The following RELCH variants were observed in gnomAD, a reference collection of about 807,000 sequenced individuals.
The protein encoded by RELCH is RAB11 binding and LisH domain, coiled-coil and HEAT repeat containing.
Under a neutral mutation model 150.3 loss-of-function variants are expected in RELCH, and 41 were observed. The ratio of observed to expected loss-of-function variants is 0.27; its 90% CI spans 0.21 to 0.35. The LOEUF is 0.35. Among genes scored for constraint, RELCH ranks in the 10% least tolerant of loss-of-function variants. The pLI is 1.00. For synonymous variants in RELCH, 478 were observed against 531.8 expected (o/e 0.90, Z 1.39); for missense variants, 1,092 against 1,467.8 (o/e 0.74, Z 4.18).
Position 62,209,414 on chromosome 18 carries a change from C to G in RELCH, c.527-1739C>G, listed in dbSNP as rs78142488. 1.1e-4 allele frequency among the ~76,000 whole-genome samples: 17 copies of G among 152,220 alleles called. No homozygotes were observed. In the East Asian group the frequency reaches 3.3e-3, roughly 29 times the overall value. On this transcript the variant is annotated intron_variant, in intron 1 of 28. Coordinates refer to ENST00000644646, the MANE Select transcript of RELCH (RefSeq NM_001346231.2). The stretch of plus-strand genomic sequence containing the variant: ...AAACTTCTTTCCTCCAGTGAAATGT[C>G]TTGGTACTATTGTCAAAAACTACTT...
At chr18:62,266,904 C>G (rs569895889) in intron 19 of RELCH, among the ~76,000 whole-genome samples, 155 bp downstream of exon 19, 1 of 151,970 alleles carries the variant, frequency 6.6e-6, no homozygotes, top group African/African-American at 2.4e-5. Flanking sequence ...ATAACTGTGT[C>G]ACATCTAATA....
At chr18:62,252,560 A>G (rs988835780) in intron 11 of RELCH, 104 bp from the exon 12 acceptor site, 6 of 775,804 alleles carry the variant, frequency 7.7e-6, no homozygotes, top group African/African-American at 1.8e-5. Context: ...TTGTATAAAA[A>G]TCTTGTACTC....
rs1446255800 is a variant in RELCH, at chr18:62,307,996, G to A, written c.*2462G>A. On this transcript the variant is annotated 3_prime_UTR_variant, in exon 29 of 29. Coordinates refer to ENST00000644646, the MANE Select transcript of RELCH (RefSeq NM_001346231.2). ...CATCAAATTGATTTTCAACCTGAAC[G>A]AAATTGTGAGTAATTTAAGTCATGC... is the stretch of plus-strand genomic sequence containing the variant. 6.6e-6 allele frequency: 1 copy of A among 152,130 alleles called. No individual in the cohort carries two copies. The highest frequency in any genetic ancestry group is 2.4e-5 in the African/African-American group (1 of 41,432). The allele number at this position is 152,130 out of a possible 1,614,324, so 9.4% of individuals were successfully genotyped here.
Position 62,309,775 on chromosome 18 carries a change from T to A in RELCH, c.*4241T>A, listed in dbSNP as rs2045961115. On this transcript the variant is annotated 3_prime_UTR_variant, in exon 29 of 29. Coordinates refer to ENST00000644646, the MANE Select transcript of RELCH (RefSeq NM_001346231.2). ...ATTACAGACTAATCCACCATATTTA[T>A]TTCAGTTAGATCATTGCATGAATAG... 2 of 152,214 alleles carry A rather than the reference T, an allele frequency of 1.3e-5. No individual in the cohort carries two copies. The highest frequency in any genetic ancestry group is 1.3e-4 in the Admixed American group (2 of 15,286). The allele number at this position is 152,214 out of a possible 1,614,324, so 9.4% of individuals were successfully genotyped here.
At chr18:62,231,726 T>C (rs962606395) in intron 9 of RELCH, among the ~76,000 whole-genome samples, 2 of 152,028 alleles carry the variant, frequency 1.3e-5, no homozygotes, top group African/African-American at 4.8e-5. Flanking sequence ...TGAGGGGGTA[T>C]TTTATTATTA....
chr18:62,266,808 C>T, intron 19 of RELCH, 59 bp downstream of exon 19: 1 of 980,880 alleles, frequency 1.0e-6, no homozygotes, highest in Non-Finnish European at 1.6e-6. Context: ...AGGAAAAATA[C>T]TATATTCTCC....
At chr18:62,296,781 G>A (rs116166970) in intron 27 of RELCH, among the ~76,000 whole-genome samples, 1 of 152,312 alleles carries the variant, frequency 6.6e-6, no homozygotes, top group African/African-American at 2.4e-5. Context: ...AGATGATCAT[G>A]AGGTTGTTTT....
At chr18:62,213,293 G>GT (rs1475775676) in intron 2 of RELCH, among the ~76,000 whole-genome samples, 1 of 151,702 alleles carries the variant, frequency 6.6e-6, no homozygotes, top group Non-Finnish European at 1.5e-5. Context: ...ATATAATTAT[G>GT]TTTTTTCCTT....
At chr18:62,303,076 G>A (rs2045736723) in intron 28 of RELCH, among the ~76,000 whole-genome samples, 1 of 151,578 alleles carries the variant, frequency 6.6e-6, no homozygotes, top group South Asian at 2.1e-4. Context: ...CTGGTAGAGG[G>A]GTGGGAGAGT....
In RELCH at chr18:62,217,021, A is replaced by G. The variant is rs546251165; in HGVS notation, c.617-4016A>G. On this transcript the variant is annotated intron_variant, in intron 2 of 28. Coordinates refer to ENST00000644646, the MANE Select transcript of RELCH (RefSeq NM_001346231.2). ...AAAGAAGATAAATAGCATTTTGAAA[A>G]TAGATTTCTTGTTATTCGTCACCAT... 2.6e-5 allele frequency among the ~76,000 whole-genome samples: 4 copies of G among 152,208 alleles called. No homozygotes were observed. The South Asian group carries it at 8.3e-4, about 32-fold the overall frequency.
At chr18:62,233,804 G>T (rs1387650634) in intron 10 of RELCH, among the ~76,000 whole-genome samples, 1 of 151,528 alleles carries the variant, frequency 6.6e-6, no homozygotes, top group Admixed American at 6.6e-5. Flanking sequence ...TTCAGTTTTA[G>T]CTTTTTTATT....
chr18:62,286,599 G>A (rs1349559659), intron 25 of RELCH, among the ~76,000 whole-genome samples: 1 of 151,944 alleles, frequency 6.6e-6, no homozygotes, highest in Admixed American at 6.6e-5. Context: ...GACTAGAAAG[G>A]GGTTGTGTGA....
At chr18:62,203,885 G>A (rs1463834537) in intron 1 of RELCH, among the ~76,000 whole-genome samples, 1 of 152,012 alleles carries the variant, frequency 6.6e-6, no homozygotes, top group Non-Finnish European at 1.5e-5. Context: ...AGGCTGAGGC[G>A]GGAAGATCAC....
chr18:62,258,028 T>C lies in RELCH; in HGVS notation c.1977T>C (p.Ala659=). 6.2e-7 allele frequency: 1 copy of C among 1,609,166 alleles called. No homozygotes were observed. Among genetic ancestry groups the C allele is most frequent in the South Asian group, 1.1e-5 (1 of 90,396 alleles). The part of the protein sequence containing the change: ...MEDKADLVRE[A]VIKSLGIIMG... ...ATAAGGCAGATTTGGTAAGAGAAGC[T>C]GTTATCAAAAGCCTTGGTATCATTA... The change falls in exon 14 of 29, where the codon GCT becomes GCC. Residue 659 remains alanine (A), a synonymous_variant. Transcript: ENST00000644646.
At chr18:62,220,475 GA>G in intron 2 of RELCH, among the ~76,000 whole-genome samples, 1 of 147,064 alleles carries the variant, frequency 6.8e-6, no homozygotes, top group South Asian at 2.1e-4. Context: ...GTTAAATATT[GA>G]AACCATATTC....
At chr18:62,246,116 T>C (rs1426968979) in intron 11 of RELCH, 1 of 152,328 alleles carries the variant, frequency 6.6e-6, no homozygotes, top group East Asian at 1.9e-4. Context: ...CAGTGATATT[T>C]TTTATGAATC....
chr18:62,287,347 T>G lies in RELCH; in HGVS notation c.3254-4T>G. The G allele has an allele frequency of 6.7e-7, 1 of 1,503,534 alleles. No individual in the cohort carries two copies. The highest frequency in any genetic ancestry group is 9.2e-7 in the Non-Finnish European group (1 of 1,081,436). 93.1% of individuals were successfully genotyped at this position (1,503,534 alleles called of 1,614,324 possible). On this transcript the variant is annotated splice_region_variant and splice_polypyrimidine_tract_variant and intron_variant, in intron 25 of 28. Coordinates refer to ENST00000644646, the MANE Select transcript of RELCH (RefSeq NM_001346231.2). The stretch of plus-strand genomic sequence containing the variant: ...AAATTTAACCCTTTTTTTTCTGTTT[T>G]CAGTTGTTATACCACATTTGCATAA...
rs567190777 is a variant in RELCH at position 62,231,397 on chromosome 18, T to C, written c.1524+128T>C. On this transcript the variant is annotated intron_variant, in intron 9 of 28. Transcript: ENST00000644646. ...TCAAATGCAAATCCATTATGTAAAATAATGCTCTAAGATATAGTTCCTAAA... is the reference window on the plus strand; with the variant it reads ...TCAAATGCAAATCCATTATGTAAAACAATGCTCTAAGATATAGTTCCTAAA... 5.6e-4 allele frequency: 324 copies of C among 582,852 alleles called. 3 individuals carry two copies. The South Asian group carries it at 7.0e-3, about 13-fold the overall frequency. 36.1% of individuals were successfully genotyped at this position (582,852 alleles called of 1,614,324 possible).
rs547496252 is a variant in RELCH, at chr18:62,223,336, G to A, written c.858+1839G>A. Among the ~76,000 whole-genome samples, 52 of 151,862 alleles carry A rather than the reference G, an allele frequency of 3.4e-4. No individual in the cohort carries two copies. The South Asian group carries it at 9.4e-3, about 27-fold the overall frequency. ...TACTTATATTAGAAGAATAATAAAA[G>A]AATGTTATGAATAACTTTTCTTGTA... On this transcript the variant is annotated intron_variant, in intron 5 of 28. Coordinates refer to ENST00000644646, the MANE Select transcript of RELCH (RefSeq NM_001346231.2).
Sources: gnomAD v4.1 joint callset for allele counts (sites outside exome capture counted in the v4.1 genomes callset) on GRCh38, gnomAD v4.1.1 for gene constraint, MANE v1.5 for transcripts, NCBI Gene and HGNC (gene_info 2026-07-23, HGNC 2026-07-21) for gene names.